The following GLRB variants were observed in gnomAD, a reference collection of about 807,000 sequenced individuals.
GLRB encodes the protein glycine receptor subunit beta.
A neutral mutation model predicts 54.2 loss-of-function variants in GLRB; 33 were observed. The observed-to-expected ratio is 0.61, with a 90% CI of 0.46 to 0.81. GLRB has a LOEUF of 0.81. GLRB is among the 40% of genes least tolerant of loss of function. The pLI is 0.00. For missense variants in GLRB, 572 were observed against 584.6 expected (o/e 0.98, Z 0.22); for synonymous variants, 209 against 208.2 (o/e 1.00, Z -0.03).
At chr4:157,078,931 C>T (rs1734134906) in intron 2 of GLRB, among the ~76,000 whole-genome samples, 1 of 152,122 alleles carries the variant, frequency 6.6e-6, no homozygotes, top group Non-Finnish European at 1.5e-5. Context: ...CACCACCACG[C>T]CCAGCTAATT....
At chr4:157,114,450 C>T (rs558991042) in intron 2 of GLRB, among the ~76,000 whole-genome samples, 2 of 151,360 alleles carry the variant, frequency 1.3e-5, no homozygotes, top group East Asian at 2.0e-4. Flanking sequence ...CTAATTTTCT[C>T]TATTTTTATT....
At position 157,144,691 on chromosome 4, in the gene GLRB, C is replaced by T. The variant is rs966306442; in HGVS notation, c.904+732C>T. Reference sequence around the variant, plus strand: ...GTGTCTGTGTGTTTTCTGAATATCACCTGGAACTCACACTGGTAAGACTGT... The same window carrying T: ...GTGTCTGTGTGTTTTCTGAATATCATCTGGAACTCACACTGGTAAGACTGT... On this transcript the variant is annotated intron_variant, in intron 8 of 9. Transcript: ENST00000264428. 2.6e-5 allele frequency among the ~76,000 whole-genome samples: 4 copies of T among 152,152 alleles called. No individual in the cohort carries two copies. In the South Asian group the frequency reaches 8.3e-4, roughly 32 times the overall value.
chr4:157,076,933 T>C (rs1263440930), intron 1 of GLRB, among the ~76,000 whole-genome samples: 2 of 113,752 alleles, frequency 1.8e-5, no homozygotes, highest in Non-Finnish European at 3.3e-5. Flanking sequence ...CTGGCTTGCC[T>C]GGAGTGTGTG....
At chr4:157,159,884 A>AT (rs1737402930) in intron 9 of GLRB, among the ~76,000 whole-genome samples, 2 of 152,104 alleles carry the variant, frequency 1.3e-5, no homozygotes, top group African/African-American at 4.8e-5. Context: ...TTTTCTGTTG[A>AT]TTGGAATAGT....
rs777429195 is a variant in GLRB, at chr4:157,143,863, A to C, written c.808A>C (p.Met270Leu). 1.2e-6 allele frequency: 2 copies of C among 1,613,858 alleles called. No homozygotes were observed. Among genetic ancestry groups the C allele is most frequent in the East Asian group, 4.5e-5 (2 of 44,848 alleles). Residue 270 changes from methionine (M) to leucine (L), a missense_variant, in exon 8 of 10, where the codon ATG (methionine) becomes CTG (leucine). Coordinates refer to ENST00000264428, the MANE Select transcript of GLRB (RefSeq NM_000824.5). ...FTLRRQVGFY[M>L]MGVYAPTLLI... The stretch of plus-strand genomic sequence containing the variant: ...CCTGAGGAGGCAGGTCGGCTTTTAC[A>C]TGATGGGGGTCTACGCCCCAACTCT...
At chr4:157,168,287 G>T (rs1291834788) in intron 9 of GLRB, among the ~76,000 whole-genome samples, 2 of 152,120 alleles carry the variant, frequency 1.3e-5, no homozygotes, top group Admixed American at 6.5e-5. Flanking sequence ...GAGTGAGGGG[G>T]TGCAGACAAG....
intron 2 of GLRB, among the ~76,000 whole-genome samples, chr4:157,110,406 T>G (rs1007373937): frequency 1.3e-5 from 2 of 152,028 alleles, no homozygotes; most frequent in Non-Finnish European, 2.9e-5. Flanking sequence ...TTCTTTCTTC[T>G]GCTTATTCTA....
At chr4:157,080,742 C>T (rs1165230643) in intron 2 of GLRB, among the ~76,000 whole-genome samples, 2 of 151,838 alleles carry the variant, frequency 1.3e-5, no homozygotes, top group African/African-American at 4.8e-5. Context: ...TACCCTAATA[C>T]TCCTCAGGAT....
chr4:157,121,734 A>G (rs1440489072), intron 3 of GLRB, among the ~76,000 whole-genome samples: 3 of 151,686 alleles, frequency 2.0e-5, no homozygotes, highest in Admixed American at 1.3e-4. Flanking sequence ...AAAAAAATAG[A>G]AAGAAATTTG....
Position 157,076,757 on chromosome 4 carries a change from T to TG in GLRB, c.-30+460_-30+461insG, listed in dbSNP as rs5863252. On this transcript the variant is annotated intron_variant, in intron 1 of 9. Coordinates refer to ENST00000264428, the MANE Select transcript of GLRB (RefSeq NM_000824.5). ...GGCAAGGATGTGAAAGTGGGAGAAG[T>TG]ACCTGCTGCTGTGGGCAAGGTGTCT... Among the ~76,000 whole-genome samples, 1,160 of 151,958 alleles carry TG rather than the reference T, an allele frequency of 7.6e-3. 23 individuals are homozygous for TG. The East Asian group carries it at 0.1, about 13-fold the overall frequency.
At chr4:157,102,833 T>C (rs968953466) in intron 2 of GLRB, among the ~76,000 whole-genome samples, 3 of 152,128 alleles carry the variant, frequency 2.0e-5, no homozygotes, top group Admixed American at 2.0e-4. Flanking sequence ...GGCGGAGACT[T>C]GGCATTTAAA....
At chr4:157,078,982 C>T (rs998907482) in intron 2 of GLRB, among the ~76,000 whole-genome samples, 1 of 152,190 alleles carries the variant, frequency 6.6e-6, no homozygotes, top group African/African-American at 2.4e-5. Context: ...CCATGTTGAC[C>T]TGTCTGGTCT....
rs561884650 is a variant in GLRB at position 157,110,519 on chromosome 4, A to T, written c.123-10037A>T. 2.6e-5 allele frequency among the ~76,000 whole-genome samples: 4 copies of T among 152,150 alleles called. No homozygotes were observed. In the East Asian group the frequency reaches 7.8e-4, roughly 30 times the overall value. Reference sequence around the variant, plus strand: ...TAAAATTTTCTCTTTGTTGAAATTCATACTTTGTGTATTGTTCTCCTGAGC... The same window carrying T: ...TAAAATTTTCTCTTTGTTGAAATTCTTACTTTGTGTATTGTTCTCCTGAGC... On this transcript the variant is annotated intron_variant, in intron 2 of 9. Transcript: ENST00000264428.
At chr4:157,104,950 G>T (rs192518814) in intron 2 of GLRB, among the ~76,000 whole-genome samples, 1 of 151,474 alleles carries the variant, frequency 6.6e-6, no homozygotes, top group African/African-American at 2.4e-5. Flanking sequence ...TTATTTAGTT[G>T]CATCTTCTTT....
chr4:157,123,585 G>A (rs1477668697), intron 4 of GLRB, among the ~76,000 whole-genome samples: 1 of 151,600 alleles, frequency 6.6e-6, no homozygotes, highest in African/African-American at 2.4e-5. Flanking sequence ...AAATAACATA[G>A]ACATGCATTA....
At position 157,141,729 on chromosome 4, in the gene GLRB, T is replaced by C. The variant is rs75404481; in HGVS notation, c.752-2078T>C. On this transcript the variant is annotated intron_variant, in intron 7 of 9. Transcript: ENST00000264428. ...GATCAAAAAAAGATCAAGAAATGTT[T>C]CTCATAAAATTTTATGGAGCAAATC... 8.5e-4 allele frequency among the ~76,000 whole-genome samples: 130 copies of C among 152,086 alleles called. 2 individuals carry two copies. In the East Asian group the frequency reaches 0.02, roughly 24 times the overall value.
intron 2 of GLRB, chr4:157,084,700 C>A (rs1734344626): frequency 2.2e-6 from 1 of 455,998 alleles, no homozygotes; most frequent in Admixed American, 2.4e-5. Context: ...CATTTTCATA[C>A]TTCAGTCTGT....
At chr4:157,122,065 T>G (rs1226568771) in intron 3 of GLRB, among the ~76,000 whole-genome samples, 2 of 150,586 alleles carry the variant, frequency 1.3e-5, no homozygotes, top group African/African-American at 4.9e-5. Flanking sequence ...TTACAGAGTC[T>G]CTACAATTTA....
chr4:157,118,723 G>A (rs894230421), intron 2 of GLRB, among the ~76,000 whole-genome samples: 5 of 151,106 alleles, frequency 3.3e-5, no homozygotes, highest in Admixed American at 6.6e-5. Context: ...GCCTCTTATC[G>A]GCAGATTGTA....
Sources: allele counts gnomAD v4.1 joint callset (sites outside exome capture counted in the v4.1 genomes callset), GRCh38; gene constraint gnomAD v4.1.1; transcripts MANE v1.5; gene names NCBI Gene and HGNC (gene_info 2026-07-23, HGNC 2026-07-21).